The following MTR variants were observed in gnomAD, a reference collection of about 807,000 sequenced individuals.
MTR encodes methionine synthase.
A neutral mutation model predicts 154.8 loss-of-function variants in MTR; 84 were observed. The ratio of observed to expected loss-of-function variants is 0.54; its 90% CI spans 0.45 to 0.65. The LOEUF (loss-of-function observed/expected upper bound fraction) is 0.65, where lower values mean the gene tolerates loss of function less well. Ranked by LOEUF, MTR falls within the 30% of genes least tolerant of loss-of-function variation. The pLI is 0.00. For synonymous variants in MTR, 554 were observed against 553.9 expected, an observed-to-expected ratio of 1.00 and a Z score of 0.00; for missense variants, 1,275 against 1,570.2, an observed-to-expected ratio of 0.81 and a Z score of 3.18.
intron 3 of MTR, among the ~76,000 whole-genome samples, chr1:236,806,846 C>T (rs1033927819): frequency 1.3e-5 from 2 of 152,062 alleles, no homozygotes; most frequent in Non-Finnish European, 2.9e-5. Flanking sequence ...TAGTATTTGG[C>T]CTTTTGTGAC....
chr1:236,827,488 A>G (rs1662358029), intron 11 of MTR, among the ~76,000 whole-genome samples: 2 of 152,208 alleles, frequency 1.3e-5, no homozygotes, highest in South Asian at 4.1e-4. Flanking sequence ...TGGATTATGT[A>G]AAGTAAATCC....
At chr1:236,880,692 C>T in intron 24 of MTR, 63 bp from the exon 25 acceptor site, 1 of 1,312,002 alleles carries the variant, frequency 7.6e-7, no homozygotes, top group Non-Finnish European at 1.1e-6. Flanking sequence ...TGGCGCTGAA[C>T]AAGAGTTGTA....
intron 16 of MTR, among the ~76,000 whole-genome samples, chr1:236,851,016 A>C (rs960563025): frequency 2.6e-5 from 4 of 152,038 alleles, no homozygotes; most frequent in Non-Finnish European, 5.9e-5. Context: ...TTATGACGCT[A>C]CTCTGTTGCT....
chr1:236,865,341 A>G (rs1664766846), intron 22 of MTR, among the ~76,000 whole-genome samples: 1 of 152,266 alleles, frequency 6.6e-6, no homozygotes, highest in Non-Finnish European at 1.5e-5. Flanking sequence ...GTGATAACAC[A>G]TAGACTCTTC....
intron 11 of MTR, 47 bp downstream of exon 11, chr1:236,826,943 AG>A: frequency 6.6e-7 from 1 of 1,523,484 alleles, no homozygotes; most frequent in African/African-American, 1.4e-5. Context: ...GTGGATAATC[AG>A]GTAATAATCT....
chr1:236,897,310 G>GCACACACACACACACACACACACA (rs57786802), intron 32 of MTR, among the ~76,000 whole-genome samples, 192 bp downstream of exon 32: 1 of 128,608 alleles, frequency 7.8e-6, no homozygotes, highest in Non-Finnish European at 1.7e-5. Flanking sequence ...CCACACACAC[G>GCACACACACACACACACACACACA]CACACACACA....
intron 8 of MTR, among the ~76,000 whole-genome samples, chr1:236,823,185 A>G (rs932523471): frequency 6.6e-6 from 1 of 152,226 alleles, no homozygotes; most frequent in African/African-American, 2.4e-5. Context: ...AAAAACTAAG[A>G]GTATATTACT....
intron 22 of MTR, among the ~76,000 whole-genome samples, chr1:236,871,571 A>G (rs190015458): frequency 6.6e-6 from 1 of 152,168 alleles, no homozygotes; most frequent in Admixed American, 6.5e-5. Context: ...TAAAAGCAGT[A>G]TGCTATTTTT....
Position 236,852,772 on chromosome 1 carries a change from C to T in MTR, c.1812+135C>T. The T allele has an allele frequency of 6.5e-6, 7 of 1,071,206 alleles. No individual in the cohort carries two copies. In the South Asian group the frequency reaches 7.7e-5, roughly 12 times the overall value. The allele number at this position is 1,071,206 out of a possible 1,614,324, so 66.4% of individuals were successfully genotyped here. A position where few individuals can be genotyped will look rare whatever the true frequency, so the allele number is the denominator to read the frequency against. On this transcript the variant is annotated intron_variant, in intron 17 of 32. Transcript: ENST00000366577. ...AAGATTTTATTGGGATAGAGCCACA[C>T]CTATTCATTTGTATCTTGTCTGTGG...
intron 8 of MTR, among the ~76,000 whole-genome samples, chr1:236,819,482 G>GT (rs1300577093): frequency 1.3e-5 from 2 of 152,098 alleles, no homozygotes; most frequent in East Asian, 1.9e-4. Context: ...TGTACGGTGG[G>GT]TTTTTTTCCC....
rs1274107733 is a variant in MTR, at chr1:236,903,944, A to G, written c.*6300A>G. 3 of 152,224 alleles carry G rather than the reference A, an allele frequency of 2.0e-5. No homozygotes were observed. Among genetic ancestry groups the G allele is most frequent in the African/African-American group, 4.8e-5 (2 of 41,456 alleles). The allele number at this position is 152,224 out of a possible 1,614,324, so 9.4% of individuals were successfully genotyped here. On this transcript the variant is annotated 3_prime_UTR_variant, in exon 33 of 33. Coordinates refer to ENST00000366577, the MANE Select transcript of MTR (RefSeq NM_000254.3). ...AATATATAAAATCGAGTTGGTATAT[A>G]GTGCCAAATACCATTAATTAAAAAT...
At chr1:236,868,468 G>A (rs1168156118) in intron 22 of MTR, among the ~76,000 whole-genome samples, 1 of 152,052 alleles carries the variant, frequency 6.6e-6, no homozygotes, top group Admixed American at 6.6e-5. Context: ...TGAACCTATA[G>A]CATCTCTGAG....
chr1:236,872,790 G>A (rs1356071688), intron 22 of MTR, among the ~76,000 whole-genome samples: 1 of 152,152 alleles, frequency 6.6e-6, no homozygotes, highest in Non-Finnish European at 1.5e-5. Flanking sequence ...AGGATCACTT[G>A]AGCCCAGGAG....
rs1412197340 is a variant in MTR, at chr1:236,835,641, T to C, written c.1283T>C (p.Met428Thr). ...GGCATGCTAGATGGTCCAAGTGCAATGACCAGATTTTGCAACTTAATTGCT... is the reference window on the plus strand; with the variant it reads ...GGCATGCTAGATGGTCCAAGTGCAACGACCAGATTTTGCAACTTAATTGCT... ...DDGMLDGPSA[M>T]TRFCNLIASE... The change falls in exon 14 of 33, where the codon ATG becomes ACG. Residue 428 changes from methionine to threonine, a missense_variant. Physicochemically the swap from Met to Thr is moderately conservative, Grantham distance 81. Transcript: ENST00000366577. 1.2e-6 allele frequency: 2 copies of C among 1,611,000 alleles called. No individual in the cohort carries two copies. Among genetic ancestry groups the C allele is most frequent in the Non-Finnish European group, 1.7e-6 (2 of 1,179,496 alleles).
At chr1:236,807,853 A>G (rs1031920276) in intron 3 of MTR, among the ~76,000 whole-genome samples, 8 of 152,330 alleles carry the variant, frequency 5.3e-5, no homozygotes, top group African/African-American at 1.9e-4. Context: ...GCAACTGCTC[A>G]ACTCCATCAT....
intron 15 of MTR, among the ~76,000 whole-genome samples, chr1:236,841,885 T>G (rs1663257289): frequency 6.6e-6 from 1 of 152,092 alleles, no homozygotes; most frequent in Non-Finnish European, 1.5e-5. Flanking sequence ...TCCAGTGCTA[T>G]TCTAACTCTT....
rs568325966 is a variant in MTR at position 236,799,792 on chromosome 1, T to A, written c.35-3636T>A. On this transcript the variant is annotated intron_variant, in intron 1 of 32. Transcript: ENST00000366577. ...TTTTTATGTAATCAAATTCATTGTG[T>A]TTTTTTTTTTTAAATTAAGAGGTTG... Among the ~76,000 whole-genome samples, 41 of 146,764 alleles carry A rather than the reference T, an allele frequency of 2.8e-4. No homozygotes were observed. The South Asian group carries it at 5.1e-3, about 18-fold the overall frequency.
chr1:236,854,440 A>G (rs75328033), intron 18 of MTR, among the ~76,000 whole-genome samples: 5,628 of 152,188 alleles, frequency 0.037, 332 homozygotes, highest in African/African-American at 0.12. Flanking sequence ...TTTTTTTCCT[A>G]TTGACCACAT....
At position 236,899,460 on chromosome 1, in the gene MTR, T is replaced by C. The variant is rs1666829169; in HGVS notation, c.*1816T>C. 1 of 152,196 alleles carries C rather than the reference T, an allele frequency of 6.6e-6. No individual in the cohort carries two copies. The highest frequency in any genetic ancestry group is 2.4e-5 in the African/African-American group (1 of 41,446). The allele number at this position is 152,196 out of a possible 1,614,324, so 9.4% of individuals were successfully genotyped here. A position where few individuals can be genotyped will look rare whatever the true frequency, so the allele number is the denominator to read the frequency against. ...CCCTAAGTAATCCCAGAACAATGGCTATTCATGTGGGAAAAAAAGAAATTT... is the reference window on the plus strand; with the variant it reads ...CCCTAAGTAATCCCAGAACAATGGCCATTCATGTGGGAAAAAAAGAAATTT... On this transcript the variant is annotated 3_prime_UTR_variant, in exon 33 of 33. Transcript: ENST00000366577.
Sources: gnomAD v4.1 joint callset for allele counts (sites outside exome capture counted in the v4.1 genomes callset) on GRCh38, gnomAD v4.1.1 for gene constraint, MANE v1.5 for transcripts, NCBI Gene and HGNC (gene_info 2026-07-23, HGNC 2026-07-21) for gene names.